Variants in ATRNL1 observed in about 807,000 individuals in gnomAD.
The protein encoded by ATRNL1 is attractin-like protein 1.
In ATRNL1, 95 loss-of-function variants were observed where a neutral mutation model predicts 182.7. The ratio of observed to expected loss-of-function variants is 0.52; its 90% CI spans 0.44 to 0.62. ATRNL1 has a LOEUF of 0.62. Ranked by LOEUF, ATRNL1 falls within the 20% of genes least tolerant of loss-of-function variation. The pLI, the probability that ATRNL1 is intolerant of heterozygous loss-of-function variation, is 0.00. For missense variants in ATRNL1, 1,471 were observed against 1,679.5 expected, an observed-to-expected ratio of 0.88 and a Z score of 2.17; for synonymous variants, 576 against 568.3, an observed-to-expected ratio of 1.01 and a Z score of -0.19.
At chr10:115,622,993 T>C (rs1358676196) in intron 26 of ATRNL1, among the ~76,000 whole-genome samples, 3 of 152,150 alleles carry the variant, frequency 2.0e-5, no homozygotes, top group Non-Finnish European at 4.4e-5. Context: ...AGGTTGTCTT[T>C]ATCACAACGG....
intron 26 of ATRNL1, among the ~76,000 whole-genome samples, chr10:115,580,398 C>A (rs1854996714): frequency 6.6e-6 from 1 of 151,980 alleles, no homozygotes; most frequent in Non-Finnish European, 1.5e-5. Flanking sequence ...TTTCTTTTAG[C>A]ATTTTGAATA....
chr10:115,346,629 A>AT (rs1855986661), intron 19 of ATRNL1, among the ~76,000 whole-genome samples: 1 of 152,130 alleles, frequency 6.6e-6, no homozygotes, highest in South Asian at 2.1e-4. Flanking sequence ...TAGCTTACAA[A>AT]TATCTTTGTG....
intron 19 of ATRNL1, among the ~76,000 whole-genome samples, chr10:115,384,431 A>G (rs1858215634): frequency 6.6e-6 from 1 of 151,938 alleles, no homozygotes; most frequent in Non-Finnish European, 1.5e-5. Flanking sequence ...TCTTTTGGTC[A>G]CAAATATAAG....
chr10:115,289,713 G>T (rs1852800357), intron 15 of ATRNL1, among the ~76,000 whole-genome samples: 1 of 152,052 alleles, frequency 6.6e-6, no homozygotes, highest in South Asian at 2.1e-4. Context: ...AATTATTTGT[G>T]GGTTCTCTAT....
chr10:115,498,857 T>C (rs2133621742), intron 24 of ATRNL1, among the ~76,000 whole-genome samples: 1 of 152,172 alleles, frequency 6.6e-6, no homozygotes, highest in Non-Finnish European at 1.5e-5. Context: ...TGGAAATACT[T>C]GCTACTTTCA....
At chr10:115,555,771 G>A (rs1049005796) in intron 26 of ATRNL1, among the ~76,000 whole-genome samples, 11 of 151,922 alleles carry the variant, frequency 7.2e-5, no homozygotes, top group Non-Finnish European at 1.0e-4. Context: ...TTGTGGGTCT[G>A]TTGGTATTTG....
chr10:115,763,999 C>G (rs1352436390), intron 27 of ATRNL1, among the ~76,000 whole-genome samples: 1 of 152,136 alleles, frequency 6.6e-6, no homozygotes, highest in African/African-American at 2.4e-5. Flanking sequence ...TAGAGGCAAT[C>G]ACTGTTTTCG....
chr10:115,590,290 G>A (rs1555011768), intron 26 of ATRNL1, among the ~76,000 whole-genome samples: 1 of 152,174 alleles, frequency 6.6e-6, no homozygotes. Flanking sequence ...TCTTCATGTT[G>A]AAGAGGCTTG....
At chr10:115,887,912 C>T (rs1951988807) in intron 28 of ATRNL1, among the ~76,000 whole-genome samples, 1 of 152,098 alleles carries the variant, frequency 6.6e-6, no homozygotes, top group African/African-American at 2.4e-5. Flanking sequence ...AACTGGCCCC[C>T]CTGCTTCCAT....
chr10:115,154,753 G>T (rs1351084808), intron 5 of ATRNL1, among the ~76,000 whole-genome samples: 1 of 152,068 alleles, frequency 6.6e-6, no homozygotes, highest in Non-Finnish European at 1.5e-5. Flanking sequence ...TTTCTGTCTG[G>T]ATGATCTGTC....
At chr10:115,153,907 T>A (rs1308152126) in intron 5 of ATRNL1, among the ~76,000 whole-genome samples, 1 of 151,966 alleles carries the variant, frequency 6.6e-6, no homozygotes, top group Non-Finnish European at 1.5e-5. Flanking sequence ...CCAGAGATTG[T>A]GTGTCTTTGT....
chr10:115,536,399 G>A lies in ATRNL1; in HGVS notation c.3717-13059G>A, dbSNP rs368371945. Among the ~76,000 whole-genome samples the A allele has an allele frequency of 2.8e-4, 43 of 152,316 alleles. 1 individual carries two copies. The South Asian group carries it at 8.1e-3, about 29-fold the overall frequency. ...TAGCAATCAGTGAGACTCCGTGGGC[G>A]TAGGACCCTCCGAGCCAGGTGTGGG... On this transcript the variant is annotated intron_variant, in intron 25 of 28. Coordinates refer to ENST00000355044, the MANE Select transcript of ATRNL1 (RefSeq NM_207303.4).
intron 28 of ATRNL1, among the ~76,000 whole-genome samples, chr10:115,940,044 A>G (rs1555123812): frequency 6.6e-6 from 1 of 152,216 alleles, no homozygotes; most frequent in East Asian, 1.9e-4. Flanking sequence ...AGCAAAAGCT[A>G]TGTATTCTGA....
intron 1 of ATRNL1, 88 bp from the exon 2 acceptor site, chr10:115,120,097 C>T (rs1844660697): frequency 2.6e-6 from 2 of 784,258 alleles, no homozygotes; most frequent in Non-Finnish European, 4.2e-6. Context: ...GTTCCTTTGG[C>T]TTAATGACTT....
At chr10:115,112,331 T>C (rs2143541669) in intron 1 of ATRNL1, among the ~76,000 whole-genome samples, 1 of 152,310 alleles carries the variant, frequency 6.6e-6, no homozygotes, top group South Asian at 2.1e-4. Context: ...TAAAGCACTG[T>C]TGAGCAAAAA....
chr10:115,199,964 CT>C (rs1159481678), intron 8 of ATRNL1, among the ~76,000 whole-genome samples: 1 of 152,018 alleles, frequency 6.6e-6, no homozygotes, highest in Non-Finnish European at 1.5e-5. Context: ...CAGATTTGTG[CT>C]TAATTGCTGA....
chr10:115,556,999 C>T (rs1853353070), intron 26 of ATRNL1, among the ~76,000 whole-genome samples: 1 of 151,782 alleles, frequency 6.6e-6, no homozygotes, highest in South Asian at 2.1e-4. Context: ...TATTAAAGCC[C>T]TCAAATGTTC....
chr10:115,265,930 A>T (rs1310658882), intron 11 of ATRNL1, among the ~76,000 whole-genome samples: 5 of 151,760 alleles, frequency 3.3e-5, no homozygotes, highest in African/African-American at 1.2e-4. Context: ...TTTTATTACC[A>T]CCTTATCCTA....
chr10:115,652,466 A>G lies in ATRNL1; in HGVS notation c.3796-74782A>G, dbSNP rs538461563. On this transcript the variant is annotated intron_variant, in intron 26 of 28. Transcript: ENST00000355044. ...TCCCTAACATATTAATAATATACCT[A>G]TTTTCTATTGAATTATTTCTGAGAT... Among the ~76,000 whole-genome samples, 8 of 152,160 alleles carry G rather than the reference A, an allele frequency of 5.3e-5. 1 individual carries two copies. In the South Asian group the frequency reaches 1.7e-3, roughly 32 times the overall value.
Sources: gnomAD v4.1 joint callset for allele counts (sites outside exome capture counted in the v4.1 genomes callset) on GRCh38, gnomAD v4.1.1 for gene constraint, MANE v1.5 for transcripts, NCBI Gene and HGNC (gene_info 2026-07-23, HGNC 2026-07-21) for gene names.